PCDH11X: variants seen among roughly 807,000 people sequenced by gnomAD.
PCDH11X encodes protocadherin-11 X-linked.
Under a neutral mutation model 53.3 loss-of-function variants are expected in PCDH11X, and 18 were observed. The ratio of observed to expected loss-of-function variants is 0.34; its 90% CI spans 0.23 to 0.50. The LOEUF (loss-of-function observed/expected upper bound fraction) is 0.50, where lower values mean the gene tolerates loss of function less well. PCDH11X is among the 20% of genes least tolerant of loss of function. PCDH11X has a pLI of 0.98. For missense variants in PCDH11X, 570 were observed against 1,032.4 expected (o/e 0.55, Z 6.14); for synonymous variants, 279 against 393.3 (o/e 0.71, Z 3.44).
At chrX:92,206,462 C>T (rs753505865) in intron 7 of PCDH11X, among the ~76,000 whole-genome samples, 1 of 111,785 alleles carries the variant, frequency 8.9e-6, no homozygotes, top group Admixed American at 9.5e-5. Flanking sequence ...CCACATTCAA[C>T]AATTTAGATG....
At chrX:91,906,249 A>G (rs374927831) in intron 6 of PCDH11X, among the ~76,000 whole-genome samples, 51 of 111,905 alleles carry the variant, frequency 4.6e-4, no homozygotes, top group African/African-American at 1.4e-3. Context: ...TTTGTTTCCT[A>G]TGCTGCATAT....
rs1390490081 is a variant in PCDH11X, at chrX:92,262,987, T to G, written c.3115-127T>G. ...AAAACAAAGCTGTGTACCATTGCACTGGGAATGTTGACATGCTTTTTTTTC... is the reference window on the plus strand; with the variant it reads ...AAAACAAAGCTGTGTACCATTGCACGGGGAATGTTGACATGCTTTTTTTTC... On this transcript the variant is annotated intron_variant, in intron 7 of 10. Transcript: ENST00000682573. 6.5e-6 allele frequency: 7 copies of G among 1,072,576 alleles called. No individual in the cohort carries two copies. In the East Asian group the frequency reaches 2.1e-4, roughly 32 times the overall value. 88.4% of individuals were successfully genotyped at this position (1,072,576 alleles called of 1,213,427 possible).
chrX:92,519,976 G>A (rs1244060768), intron 10 of PCDH11X, among the ~76,000 whole-genome samples: 2 of 107,429 alleles, frequency 1.9e-5, no homozygotes, highest in Non-Finnish European at 3.8e-5. Flanking sequence ...TAGGGTGGAG[G>A]GAAAAACTGA....
chrX:92,518,409 G>T lies in PCDH11X; in HGVS notation c.3367+50087G>T, dbSNP rs1404702164. Among the ~76,000 whole-genome samples the T allele has an allele frequency of 6.3e-5, 7 of 111,757 alleles. No homozygotes were observed. The East Asian group carries it at 1.4e-3, about 23-fold the overall frequency. ...GTGTGTGCATGTGCACATATATGAA[G>T]TATATATATACATACTCTGTAAACT... On this transcript the variant is annotated intron_variant, in intron 10 of 10. Transcript: ENST00000682573.
intron 6 of PCDH11X, among the ~76,000 whole-genome samples, chrX:92,168,473 A>G (rs2148271623): frequency 9.1e-6 from 1 of 110,190 alleles, no homozygotes; most frequent in South Asian, 4.0e-4. Flanking sequence ...TGGAAGAATT[A>G]ATGAAGCCCG....
intron 6 of PCDH11X, among the ~76,000 whole-genome samples, chrX:92,111,653 T>C (rs2064515990): frequency 9.0e-6 from 1 of 111,516 alleles, no homozygotes; most frequent in African/African-American, 3.3e-5. Context: ...TTTACAAAAG[T>C]GAAAATTGAA....
At chrX:92,386,026 A>G (rs2071005113) in intron 8 of PCDH11X, among the ~76,000 whole-genome samples, 1 of 111,997 alleles carries the variant, frequency 8.9e-6, no homozygotes, top group Non-Finnish European at 1.9e-5. Flanking sequence ...TTACATGTAG[A>G]AAATCAGCAG....
intron 4 of PCDH11X, among the ~76,000 whole-genome samples, chrX:91,832,612 G>A (rs939532308): frequency 2.8e-5 from 3 of 106,593 alleles, no homozygotes; most frequent in African/African-American, 1.0e-4. Context: ...CCTGCATGTT[G>A]TGCACATGTA....
At chrX:92,302,964 G>A (rs1457573749) in intron 8 of PCDH11X, among the ~76,000 whole-genome samples, 2 of 108,867 alleles carry the variant, frequency 1.8e-5, no homozygotes, top group East Asian at 2.9e-4. Flanking sequence ...TGTAGCTAAT[G>A]TCTGATTTCA....
At chrX:91,900,071 A>G (rs755220198) in intron 6 of PCDH11X, among the ~76,000 whole-genome samples, 24 of 110,323 alleles carry the variant, frequency 2.2e-4, no homozygotes, top group African/African-American at 7.6e-4. Flanking sequence ...ATCACAGGGC[A>G]TGGTAATACC....
chrX:92,176,592 G>A (rs780023811), intron 6 of PCDH11X, among the ~76,000 whole-genome samples: 12 of 111,788 alleles, frequency 1.1e-4, no homozygotes, highest in Non-Finnish European at 2.1e-4. Context: ...GTCAAATAAT[G>A]AACTAGATAA....
At chrX:92,375,873 C>T (rs1322192225) in intron 8 of PCDH11X, among the ~76,000 whole-genome samples, 5 of 112,141 alleles carry the variant, frequency 4.5e-5, no homozygotes, top group East Asian at 5.7e-4. Context: ...CCACCCTCCT[C>T]GGCCTCCCAA....
intron 8 of PCDH11X, among the ~76,000 whole-genome samples, chrX:92,351,098 T>G (rs1259114912): frequency 8.9e-6 from 1 of 112,079 alleles, no homozygotes; most frequent in Non-Finnish European, 1.9e-5. Flanking sequence ...GATGTTTACT[T>G]TACTGCGATC....
intron 8 of PCDH11X, among the ~76,000 whole-genome samples, chrX:92,347,732 A>G (rs1207343233): frequency 8.9e-6 from 1 of 111,815 alleles, no homozygotes; most frequent in African/African-American, 3.2e-5. Context: ...TTAAAACTAC[A>G]TTGGAGCAAA....
chrX:92,106,830 G>T (rs1175567063), intron 6 of PCDH11X, among the ~76,000 whole-genome samples: 1 of 111,678 alleles, frequency 9.0e-6, no homozygotes, highest in Non-Finnish European at 1.9e-5. Flanking sequence ...TCTTGGCCAA[G>T]GGCATTCCAC....
At chrX:91,893,151 C>T (rs1458948851) in intron 6 of PCDH11X, among the ~76,000 whole-genome samples, 1 of 110,073 alleles carries the variant, frequency 9.1e-6, no homozygotes, top group Non-Finnish European at 1.9e-5. Flanking sequence ...ACATCAGTTT[C>T]TGGAAACTAT....
At chrX:91,871,032 G>A (rs1322939685) in intron 5 of PCDH11X, among the ~76,000 whole-genome samples, 1 of 110,336 alleles carries the variant, frequency 9.1e-6, no homozygotes, top group Non-Finnish European at 1.9e-5. Context: ...TGAAATAAAT[G>A]TTCTAGAAGT....
intron 6 of PCDH11X, among the ~76,000 whole-genome samples, chrX:92,034,967 C>A (rs1179420831): frequency 9.1e-6 from 1 of 109,334 alleles, no homozygotes; most frequent in Non-Finnish European, 1.9e-5. Context: ...ATCTTATAAC[C>A]CATTATTTTA....
chrX:92,550,105 T>C (rs1385862037), intron 10 of PCDH11X, among the ~76,000 whole-genome samples: 2 of 110,928 alleles, frequency 1.8e-5, no homozygotes, highest in African/African-American at 3.3e-5. Context: ...CTCTTCTCCC[T>C]ACGCTTTGTA....
Sources: gnomAD v4.1 joint callset for allele counts (sites outside exome capture counted in the v4.1 genomes callset) on GRCh38, gnomAD v4.1.1 for gene constraint, MANE v1.5 for transcripts, NCBI Gene and HGNC (gene_info 2026-07-23, HGNC 2026-07-21) for gene names.